ZFHX3: variants seen among roughly 807,000 people sequenced by gnomAD.
The protein encoded by ZFHX3 is zinc finger homeobox 3.
Under a neutral mutation model 279.1 loss-of-function variants are expected in ZFHX3, and 42 were observed. That is an observed-to-expected ratio of 0.15 (90% CI 0.12 to 0.19). The LOEUF (loss-of-function observed/expected upper bound fraction) is 0.19. Among genes scored for constraint, ZFHX3 ranks in the 10% least tolerant of loss-of-function variants. The pLI is 1.00. For missense variants in ZFHX3, 4,981 were observed against 4,754.0 expected (o/e 1.05, Z -1.40); for synonymous variants, 2,293 against 1,957.8 (o/e 1.17, Z -4.52).
intron 8 of ZFHX3, among the ~76,000 whole-genome samples, chr16:73,077,582 G>A (rs1248127508): frequency 1.3e-5 from 2 of 151,790 alleles, no homozygotes; most frequent in East Asian, 3.9e-4. Context: ...ATCTACTAGT[G>A]TTTAAGAAAC....
intron 1 of ZFHX3, among the ~76,000 whole-genome samples, chr16:73,687,452 T>C (rs1567552056): frequency 1.3e-5 from 2 of 151,416 alleles, no homozygotes; most frequent in African/African-American, 4.9e-5. Flanking sequence ...TTGTTACATG[T>C]GGAGAAATAA....
rs567842849 is a variant in ZFHX3, at chr16:73,877,041, A to G, written c.-1608+14610T>C. On this transcript the variant is annotated intron_variant, in intron 1 of 17. Coordinates refer to the ZFHX3 transcript ENST00000641206. Reference sequence around the variant, plus strand: ...CTTTATTTTTAATGATGACTTTCAAAAAAAAAAAACAACAACAACAAGGTA... The same window carrying G: ...CTTTATTTTTAATGATGACTTTCAAGAAAAAAAAACAACAACAACAAGGTA... Among the ~76,000 whole-genome samples the G allele has an allele frequency of 1.5e-3, 228 of 152,030 alleles. 3 individuals are homozygous for G. The highest frequency in any genetic ancestry group is 4.4e-3 in the South Asian group (21 of 4,814).
chr16:73,721,754 C>A (rs1347530228), intron 1 of ZFHX3, among the ~76,000 whole-genome samples: 1 of 152,154 alleles, frequency 6.6e-6, no homozygotes, highest in Non-Finnish European at 1.5e-5. Context: ...ATAAACAATA[C>A]CACTAGTGGG....
In ZFHX3 at chr16:72,930,280, C is replaced by CT; in HGVS notation, c.3216+20188dup. Among the ~76,000 whole-genome samples the CT allele has an allele frequency of 1.3e-5, 2 of 152,176 alleles. 1 individual carries two copies. The highest frequency in any genetic ancestry group is 3.9e-4 in the East Asian group (2 of 5,182). On this transcript the variant is annotated intron_variant, in intron 3 of 9. Coordinates refer to ENST00000268489, the MANE Select transcript of ZFHX3 (RefSeq NM_006885.4). ...CTTCATACTCTCCTAACAAACACAG[C>CT]TTCTCGCCCATTTTTGTCACCCCAA...
intron 4 of ZFHX3, among the ~76,000 whole-genome samples, chr16:72,835,891 A>C (rs1355805082): frequency 1.3e-5 from 2 of 152,182 alleles, no homozygotes; most frequent in Non-Finnish European, 2.9e-5. Flanking sequence ...ATCAATGGGA[A>C]ACCTCTACTG....
At chr16:72,947,384 T>G (rs1960737081) in intron 3 of ZFHX3, among the ~76,000 whole-genome samples, 1 of 152,184 alleles carries the variant, frequency 6.6e-6, no homozygotes, top group African/African-American at 2.4e-5. Context: ...GGATTAAAAA[T>G]TATCTCACGC....
At chr16:73,434,853 C>T (rs149633322) in intron 3 of ZFHX3, among the ~76,000 whole-genome samples, 5 of 152,262 alleles carry the variant, frequency 3.3e-5, no homozygotes, top group African/African-American at 7.2e-5. Flanking sequence ...GCTTGGCTGA[C>T]GCCGTCCAGT....
At chr16:73,882,040 G>A (rs1263771875) in intron 1 of ZFHX3, among the ~76,000 whole-genome samples, 1 of 152,088 alleles carries the variant, frequency 6.6e-6, no homozygotes, top group Non-Finnish European at 1.5e-5. Flanking sequence ...TGTTTTCAAA[G>A]CACTTTGAAG....
chr16:73,607,064 C>T (rs1025601127), intron 2 of ZFHX3, among the ~76,000 whole-genome samples: 5 of 152,100 alleles, frequency 3.3e-5, no homozygotes, highest in Admixed American at 2.6e-4. Context: ...GAATTTTGAT[C>T]GTTGCCCAGG....
intron 3 of ZFHX3, among the ~76,000 whole-genome samples, chr16:73,438,161 C>T (rs1315199639): frequency 6.6e-6 from 1 of 152,198 alleles, no homozygotes; most frequent in Non-Finnish European, 1.5e-5. Flanking sequence ...GCCTAACTCT[C>T]TGGTTCCAGT....
chr16:73,550,300 T>A (rs1219987408), intron 2 of ZFHX3, among the ~76,000 whole-genome samples: 1 of 152,146 alleles, frequency 6.6e-6, no homozygotes, highest in Non-Finnish European at 1.5e-5. Flanking sequence ...TAATGTCAGG[T>A]CACGGGGGAC....
chr16:73,301,933 C>T (rs544231985), intron 4 of ZFHX3, among the ~76,000 whole-genome samples: 26 of 152,122 alleles, frequency 1.7e-4, no homozygotes, highest in African/African-American at 4.6e-4. Context: ...GTGGGTGCTG[C>T]GGCAACCACA....
chr16:73,131,558 C>A (rs773787206), intron 6 of ZFHX3, among the ~76,000 whole-genome samples: 20 of 152,116 alleles, frequency 1.3e-4, no homozygotes, highest in Non-Finnish European at 2.4e-4. Flanking sequence ...ACTTTAGGAC[C>A]CAGAGATACT....
intron 1 of ZFHX3, among the ~76,000 whole-genome samples, chr16:73,801,304 T>G (rs1037255080): frequency 6.6e-5 from 10 of 152,224 alleles, no homozygotes; most frequent in African/African-American, 2.4e-4. Context: ...AAATATTTAT[T>G]GAGCCCCTAA....
At chr16:73,142,353 G>A (rs1463753830) in intron 6 of ZFHX3, among the ~76,000 whole-genome samples, 1 of 152,168 alleles carries the variant, frequency 6.6e-6, no homozygotes, top group Non-Finnish European at 1.5e-5. Flanking sequence ...AATCAGGGCT[G>A]TCGGATCACA....
chr16:73,820,985 G>A (rs1026339814), intron 1 of ZFHX3, among the ~76,000 whole-genome samples: 8 of 152,068 alleles, frequency 5.3e-5, no homozygotes, highest in African/African-American at 1.9e-4. Flanking sequence ...CAACTTAGGA[G>A]ACAACTATTA....
At chr16:73,170,481 C>G (rs1054274720) in intron 5 of ZFHX3, among the ~76,000 whole-genome samples, 1 of 151,992 alleles carries the variant, frequency 6.6e-6, no homozygotes, top group African/African-American at 2.4e-5. Context: ...CCGCCTGCCT[C>G]GGCCTCTCAA....
At chr16:73,456,006 G>A (rs1482940765) in exon 3 of ZFHX3, 1 of 151,946 alleles carries the variant, frequency 6.6e-6, no homozygotes, top group Non-Finnish European at 1.5e-5. Context: ...CCCTTACCTG[G>A]GAAGAACTGT....
intron 5 of ZFHX3, among the ~76,000 whole-genome samples, chr16:72,828,366 C>G (rs1414298846): frequency 3.3e-5 from 5 of 152,206 alleles, no homozygotes; most frequent in African/African-American, 4.8e-5. Context: ...CTTTGCTCCT[C>G]CTCAAAAACC....
Sources: allele counts gnomAD v4.1 joint callset (sites outside exome capture counted in the v4.1 genomes callset), GRCh38; gene constraint gnomAD v4.1.1; transcripts MANE v1.5; gene names NCBI Gene and HGNC (gene_info 2026-07-23, HGNC 2026-07-21).